The following MCM10 variants were observed in gnomAD, a reference collection of about 807,000 sequenced individuals.
MCM10 encodes protein MCM10 homolog.
In MCM10, 91 loss-of-function variants were observed where a neutral mutation model predicts 109.9. The observed-to-expected ratio is 0.83, with a 90% CI of 0.70 to 0.99. The LOEUF (loss-of-function observed/expected upper bound fraction) is 0.99, where lower values mean the gene tolerates loss of function less well. MCM10 is among the 50% of genes least tolerant of loss of function. The pLI is 0.00. For missense variants in MCM10, 1,077 were observed against 1,061.2 expected, an observed-to-expected ratio of 1.01 and a Z score of -0.21; for synonymous variants, 380 against 387.2, an observed-to-expected ratio of 0.98 and a Z score of 0.22.
intron 15 of MCM10, 116 bp downstream of exon 15, chr10:13,197,883 GA>G: frequency 5.0e-6 from 5 of 1,006,920 alleles, no homozygotes; most frequent in Non-Finnish European, 7.1e-6. Context: ...CTCCTATATA[GA>G]ATACCTAAAT....
intron 14 of MCM10, among the ~76,000 whole-genome samples, chr10:13,197,316 G>A (rs1163495731): frequency 6.6e-6 from 1 of 152,130 alleles, no homozygotes; most frequent in Non-Finnish European, 1.5e-5. Context: ...AATTCTCTCT[G>A]ATTCTAAAAC....
chr10:13,164,242 C>G (rs373360430), intron 2 of MCM10, 33 bp downstream of exon 2: 92 of 1,583,100 alleles, frequency 5.8e-5, no homozygotes, highest in Admixed American at 7.7e-5. Context: ...TACTCTGTTT[C>G]AAGGAAAACT....
In MCM10 at chr10:13,183,073, C is replaced by T. The variant is rs373288717; in HGVS notation, c.1071C>T (p.Pro357=). 37 of 1,613,970 alleles carry T rather than the reference C, an allele frequency of 2.3e-5. No homozygotes were observed. Among genetic ancestry groups the T allele is most frequent in the Non-Finnish European group, 3.1e-5 (36 of 1,180,012 alleles). ...GTVVGILNAN[P]MKPKDGSEEV... ...TCGTAGGGATCCTCAATGCCAACCC[C>T]ATGAAGCCCAAGGATGGTTCAGAGG... Residue 357 remains proline, a synonymous_variant, in exon 8 of 20, where the codon CCC becomes CCT. Transcript: ENST00000378714.
At chr10:13,166,075 G>C (rs923210963) in intron 2 of MCM10, among the ~76,000 whole-genome samples, 3 of 152,012 alleles carry the variant, frequency 2.0e-5, no homozygotes, top group African/African-American at 7.3e-5. Context: ...GTAGTTAGTA[G>C]ATGGGAGACA....
chr10:13,201,892 A>C, intron 17 of MCM10: 1 of 228,304 alleles, frequency 4.4e-6, no homozygotes, highest in Non-Finnish European at 8.7e-6. Flanking sequence ...ACCGTGGTTG[A>C]ACCCCCTGGC....
chr10:13,186,992 C>G (rs776730473), intron 9 of MCM10, among the ~76,000 whole-genome samples: 2 of 151,846 alleles, frequency 1.3e-5, no homozygotes, highest in Non-Finnish European at 2.9e-5. Context: ...ATTCTGTCTC[C>G]AAAAAAGAAT....
At position 13,204,236 on chromosome 10, in the gene MCM10, C is replaced by T; in HGVS notation, c.2370C>T (p.Phe790=). ...VTCKTCAYTH[F]KLLETCVSEQ... The stretch of plus-strand genomic sequence containing the variant: ...CTGTGCAGTGCGCCTATACCCACTT[C>T]AAGCTGCTGGAGACCTGCGTCAGTG... The change falls in exon 18 of 20, where the codon TTC becomes TTT. Residue 790 remains phenylalanine, a synonymous_variant. Transcript: ENST00000378714. The T allele has an allele frequency of 6.2e-7, 1 of 1,614,172 alleles. No homozygotes were observed. The highest frequency in any genetic ancestry group is 8.5e-7 in the Non-Finnish European group (1 of 1,180,032).
At chr10:13,175,468 A>G (rs749496720) in intron 5 of MCM10, 42 bp from the exon 6 acceptor site, 1 of 1,540,124 alleles carries the variant, frequency 6.5e-7, no homozygotes, top group Admixed American at 1.7e-5. Flanking sequence ...GTTCGTGATT[A>G]TCAGTGTGGT....
At chr10:13,205,278 A>G (rs1295591787) in intron 18 of MCM10, among the ~76,000 whole-genome samples, 1 of 151,944 alleles carries the variant, frequency 6.6e-6, no homozygotes. Flanking sequence ...GGGTACATGC[A>G]GTATTTGGCT....
At chr10:13,200,583 C>T (rs1430585353) in intron 16 of MCM10, among the ~76,000 whole-genome samples, 2 of 152,230 alleles carry the variant, frequency 1.3e-5, no homozygotes, top group Non-Finnish European at 2.9e-5. Context: ...CTGAGCTCCT[C>T]GCCTCTGTGG....
At chr10:13,206,319 A>C (rs1834580637) in intron 18 of MCM10, among the ~76,000 whole-genome samples, 1 of 152,172 alleles carries the variant, frequency 6.6e-6, no homozygotes, top group Non-Finnish European at 1.5e-5. Flanking sequence ...CTCCCCACAC[A>C]GGTCCCCTGG....
chr10:13,164,251 C>T (rs775017690), intron 2 of MCM10, 42 bp downstream of exon 2: 9 of 1,573,356 alleles, frequency 5.7e-6, no homozygotes, highest in Non-Finnish European at 6.9e-6. Context: ...TCAAGGAAAA[C>T]TAACCTTTTG....
intron 9 of MCM10, among the ~76,000 whole-genome samples, chr10:13,186,796 A>G (rs1406511070): frequency 6.6e-6 from 1 of 152,136 alleles, no homozygotes; most frequent in Non-Finnish European, 1.5e-5. Flanking sequence ...GTTTGAGACT[A>G]GCCTGGCCAC....
chr10:13,194,733 G>A (rs1011509161), intron 13 of MCM10, among the ~76,000 whole-genome samples: 4 of 152,294 alleles, frequency 2.6e-5, no homozygotes, highest in South Asian at 2.1e-4. Flanking sequence ...AGTTCACACC[G>A]CGTCTTCAGC....
intron 6 of MCM10, among the ~76,000 whole-genome samples, chr10:13,179,378 C>A (rs1834180705): frequency 1.3e-5 from 2 of 152,170 alleles, no homozygotes; most frequent in Admixed American, 1.3e-4. Flanking sequence ...AGGGTTCAGG[C>A]AGCTGACATA....
At chr10:13,174,493 C>T (rs193216471) in intron 5 of MCM10, among the ~76,000 whole-genome samples, 226 of 152,212 alleles carry the variant, frequency 1.5e-3, no homozygotes, top group African/African-American at 5.1e-3. Context: ...TGATAATCTG[C>T]GCCAGTGCTC....
In MCM10 at chr10:13,199,145, C is replaced by G. The variant is rs936447644; in HGVS notation, c.2238+338C>G. Among the ~76,000 whole-genome samples, 11 of 152,358 alleles carry G rather than the reference C, an allele frequency of 7.2e-5. No individual in the cohort carries two copies. In the East Asian group the frequency reaches 2.1e-3, roughly 29 times the overall value. ...TCCTGACCTCAAGTGATCCTCCAGC[C>G]TTGGCCTCCCAAAGTGCTGGGATTA... On this transcript the variant is annotated intron_variant, in intron 16 of 19. Coordinates refer to ENST00000378714, the MANE Select transcript of MCM10 (RefSeq NM_018518.5).
intron 8 of MCM10, among the ~76,000 whole-genome samples, chr10:13,183,438 CA>C (rs906479665): frequency 1.3e-5 from 2 of 149,178 alleles, no homozygotes; most frequent in African/African-American, 4.9e-5. Flanking sequence ...GACCCCATCT[CA>C]AAAAAAAAGA....
intron 13 of MCM10, among the ~76,000 whole-genome samples, chr10:13,193,088 T>C (rs1036672127): frequency 2.6e-5 from 4 of 152,038 alleles, no homozygotes; most frequent in African/African-American, 9.7e-5. Flanking sequence ...GGTTTTGCCA[T>C]ATTGCCCAAG....
Sources: gnomAD v4.1 joint callset for allele counts (sites outside exome capture counted in the v4.1 genomes callset) on GRCh38, gnomAD v4.1.1 for gene constraint, MANE v1.5 for transcripts, NCBI Gene and HGNC (gene_info 2026-07-23, HGNC 2026-07-21) for gene names.